USH2A: variants seen among roughly 807,000 people sequenced by gnomAD.
The protein encoded by USH2A is usherin.
A neutral mutation model predicts 538.9 loss-of-function variants in USH2A; 443 were observed. The observed-to-expected ratio is 0.82, with a 90% CI of 0.76 to 0.89. USH2A has a LOEUF of 0.89. USH2A is among the 40% of genes least tolerant of loss of function. The pLI is 0.00. For missense variants in USH2A, 6,633 were observed against 6,324.8 expected, an observed-to-expected ratio of 1.05 and a Z score of -1.65; for synonymous variants, 2,413 against 2,273.5, an observed-to-expected ratio of 1.06 and a Z score of -1.75.
chr1:215,836,565 AT>A (rs71159886), intron 47 of USH2A, among the ~76,000 whole-genome samples: 1 of 32,868 alleles, frequency 3.0e-5, no homozygotes, highest in Non-Finnish European at 5.8e-5. Context: ...ATATATATAT[AT>A]TTTTTTTTGA....
chr1:216,417,415 C>T (rs1030464907), intron 3 of USH2A, among the ~76,000 whole-genome samples: 1 of 152,064 alleles, frequency 6.6e-6, no homozygotes, highest in East Asian at 1.9e-4. Flanking sequence ...CCCAGCACCC[C>T]AAGTTACATG....
chr1:216,038,624 A>G (rs145470228), intron 32 of USH2A, among the ~76,000 whole-genome samples: 193 of 152,148 alleles, frequency 1.3e-3, no homozygotes, highest in African/African-American at 4.4e-3. Context: ...CAGGGTGCTG[A>G]CAATGTTCTG....
intron 35 of USH2A, among the ~76,000 whole-genome samples, chr1:215,975,509 G>C (rs1476257516): frequency 6.6e-6 from 1 of 152,056 alleles, no homozygotes; most frequent in Non-Finnish European, 1.5e-5. Context: ...ATGATGAAAA[G>C]TAGGGGTCTG....
rs752165034 is a variant in USH2A at position 216,246,923 on chromosome 1, C to T, written c.2471G>A (p.Arg824Lys). The T allele has an allele frequency of 6.2e-7, 1 of 1,614,144 alleles. No individual in the cohort carries two copies. The highest frequency in any genetic ancestry group is 8.5e-7 in the Non-Finnish European group (1 of 1,179,996). ...QCICKPNVEGRQCNKCLEGNF... is the reference protein window; with the variant it reads ...QCICKPNVEGKQCNKCLEGNF... ...TCCCTCCAAACATTTATTGCACTGT[C>T]TCCCTTCAACATTGGGCTTGCAGAT... The change falls in exon 13 of 72, where the codon AGA (arginine) becomes AAA (lysine). Residue 824 changes from arginine to lysine, a missense_variant. Physicochemically the swap from Arg to Lys is conservative, Grantham distance 26. Coordinates refer to ENST00000307340, the MANE Select transcript of USH2A (RefSeq NM_206933.4).
rs138601315 is a variant in USH2A at position 216,070,815 on chromosome 1, C to T, written c.5858-523G>A. 4.5e-3 allele frequency among the ~76,000 whole-genome samples: 518 copies of T among 116,366 alleles called. 5 individuals carry two copies. Among genetic ancestry groups the T allele is most frequent in the African/African-American group, 0.017 (491 of 29,688 alleles). The allele number at this position is 116,366 out of a possible 152,430, so 76.3% of individuals were successfully genotyped here. ...TAATTTTTAAAAAGCAAAGTTCTAC[C>T]AGATATGATATATGGAATATATTCT... On this transcript the variant is annotated intron_variant, in intron 29 of 71. Transcript: ENST00000307340.
rs989197541 is a variant in USH2A, at chr1:216,325,260, C to T, written c.1143+45G>A. On this transcript the variant is annotated intron_variant, in intron 6 of 71. Transcript: ENST00000307340. ...ACATGAAGTTTGTGGGCATTTGTTG[C>T]AATAACCACAGGAAATTAATGTACA... The T allele has an allele frequency of 3.8e-6, 6 of 1,599,742 alleles. No individual in the cohort carries two copies. The African/African-American group carries it at 6.7e-5, about 18-fold the overall frequency.
intron 4 of USH2A, among the ~76,000 whole-genome samples, chr1:216,360,967 G>GA (rs1043101544): frequency 1.3e-5 from 2 of 151,786 alleles, no homozygotes; most frequent in African/African-American, 4.8e-5. Flanking sequence ...AATCTTAAAA[G>GA]AAAAAAAGTT....
intron 61 of USH2A, among the ~76,000 whole-genome samples, chr1:215,702,948 T>C (rs1191916537): frequency 6.6e-6 from 1 of 152,148 alleles, no homozygotes; most frequent in African/African-American, 2.4e-5. Context: ...CTTCATGGAT[T>C]TATCTACCTT....
chr1:215,805,468 T>G (rs914883277), intron 49 of USH2A, among the ~76,000 whole-genome samples: 3 of 151,726 alleles, frequency 2.0e-5, no homozygotes, highest in Non-Finnish European at 4.4e-5. Flanking sequence ...GGAAACAGAG[T>G]CTGAGCTTGA....
intron 9 of USH2A, among the ~76,000 whole-genome samples, chr1:216,317,691 A>G (rs544940401): frequency 6.6e-6 from 1 of 152,008 alleles, no homozygotes; most frequent in Non-Finnish European, 1.5e-5. Flanking sequence ...TACAAAAAAA[A>G]AAATACAAAA....
At chr1:216,198,204 G>A in intron 18 of USH2A, 111 bp downstream of exon 18, 1 of 1,522,894 alleles carries the variant, frequency 6.6e-7, no homozygotes, top group South Asian at 1.2e-5. Flanking sequence ...GTCTATGGAA[G>A]TTTCTAATTC....
chr1:215,846,537 C>T (rs1487252615), intron 44 of USH2A, among the ~76,000 whole-genome samples: 6 of 152,116 alleles, frequency 3.9e-5, no homozygotes, highest in East Asian at 3.9e-4. Context: ...TAATAATTTG[C>T]GTTTTTTCCC....
rs1321058498 is a variant in USH2A, at chr1:216,217,457, G to A, written c.3087C>T (p.Gly1029=). ...GQCFCKQFVT[G]SKCDACVPSA... is the part of the protein sequence containing the mutation. ...TGGGAACACAAGCATCACACTTTGA[G>A]CCAGTGACAAATTGTTTACAGAAAC... Residue 1029 remains glycine (G), a synonymous_variant, in exon 15 of 72, where the codon GGC becomes GGT. Transcript: ENST00000307340. 1 of 1,613,226 alleles carries A rather than the reference G, an allele frequency of 6.2e-7. No individual in the cohort carries two copies. Among genetic ancestry groups the A allele is most frequent in the Admixed American group, 1.7e-5 (1 of 59,920 alleles).
intron 45 of USH2A, among the ~76,000 whole-genome samples, chr1:215,845,258 G>T (rs943343353): frequency 1.3e-5 from 2 of 152,146 alleles, no homozygotes; most frequent in Admixed American, 6.5e-5. Flanking sequence ...TGGAACACTT[G>T]CTTGGGAGGT....
intron 47 of USH2A, among the ~76,000 whole-genome samples, chr1:215,822,305 CA>C (rs1315304837): frequency 2.0e-5 from 3 of 151,678 alleles, no homozygotes; most frequent in Non-Finnish European, 4.4e-5. Context: ...CTTTCATCAG[CA>C]TTTTATAGTT....
intron 21 of USH2A, among the ~76,000 whole-genome samples, chr1:216,119,833 A>G (rs1472150087): frequency 6.6e-6 from 1 of 152,088 alleles, no homozygotes; most frequent in Non-Finnish European, 1.5e-5. Flanking sequence ...CTTTCTTTCT[A>G]TGGTGCAATT....
intron 37 of USH2A, among the ~76,000 whole-genome samples, chr1:215,954,761 T>C (rs1558180450): frequency 6.6e-6 from 1 of 152,164 alleles, no homozygotes; most frequent in Non-Finnish European, 1.5e-5. Context: ...TTTGTAATTA[T>C]TGCAACTACA....
chr1:216,109,141 C>T (rs1415208489), intron 21 of USH2A, among the ~76,000 whole-genome samples: 1 of 152,034 alleles, frequency 6.6e-6, no homozygotes, highest in Non-Finnish European at 1.5e-5. Flanking sequence ...TTCTGGAATC[C>T]AATCATGGCA....
intron 12 of USH2A, among the ~76,000 whole-genome samples, chr1:216,249,041 G>A (rs1033907844): frequency 2.6e-5 from 4 of 151,894 alleles, no homozygotes; most frequent in Admixed American, 6.6e-5. Flanking sequence ...TTTCTGAAGC[G>A]TATACAACAT....
Sources: gnomAD v4.1 joint callset for allele counts (sites outside exome capture counted in the v4.1 genomes callset) on GRCh38, gnomAD v4.1.1 for gene constraint, MANE v1.5 for transcripts, NCBI Gene and HGNC (gene_info 2026-07-23, HGNC 2026-07-21) for gene names.